SCARB1: variants seen among roughly 807,000 people sequenced by gnomAD.
SCARB1 encodes the protein scavenger receptor class B member 1, also known as CD36 and LIMPII analogous 1.
Under a neutral mutation model 57.2 loss-of-function variants are expected in SCARB1, and 30 were observed. The observed-to-expected ratio is 0.52, with a 90% CI of 0.39 to 0.71. The LOEUF (loss-of-function observed/expected upper bound fraction) is 0.71, where lower values mean the gene tolerates loss of function less well. Among genes scored for constraint, SCARB1 ranks in the 30% least tolerant of loss-of-function variants. The pLI is 0.00. For missense variants in SCARB1, 543 were observed against 671.2 expected (o/e 0.81, Z 2.11); for synonymous variants, 249 against 268.3 (o/e 0.93, Z 0.70).
Position 124,838,949 on chromosome 12 carries a change from A to G in SCARB1, c.127-21242T>C, listed in dbSNP as rs568903136. 1.4e-4 allele frequency among the ~76,000 whole-genome samples: 21 copies of G among 151,700 alleles called. No homozygotes were observed. In the South Asian group the frequency reaches 3.8e-3, roughly 27 times the overall value. ...GCCACCATGCCAGGCTAATTTTTGT[A>G]TTTTTAGTAGAGACGGGGTTTCACC... is the stretch of plus-strand genomic sequence containing the variant. On this transcript the variant is annotated intron_variant, in intron 1 of 12. Coordinates refer to ENST00000261693, the MANE Select transcript of SCARB1 (RefSeq NM_005505.5).
chr12:124,815,937 G>C (rs1040382231), intron 2 of SCARB1, among the ~76,000 whole-genome samples: 5 of 151,978 alleles, frequency 3.3e-5, no homozygotes, highest in African/African-American at 1.2e-4. Flanking sequence ...TTAAAATCAG[G>C]CTCCTAACGT....
At chr12:124,829,777 G>A (rs575956234) in intron 1 of SCARB1, among the ~76,000 whole-genome samples, 3 of 152,156 alleles carry the variant, frequency 2.0e-5, no homozygotes, top group Non-Finnish European at 4.4e-5. Context: ...CCACTGTATG[G>A]CAGGCTCTGC....
chr12:124,844,653 C>T (rs777051697), intron 1 of SCARB1, among the ~76,000 whole-genome samples: 1 of 152,002 alleles, frequency 6.6e-6, no homozygotes, highest in Non-Finnish European at 1.5e-5. Context: ...CGGGGATGTG[C>T]GCACACAGGG....
intron 11 of SCARB1, chr12:124,786,132 C>T (rs749820278): frequency 1.3e-6 from 2 of 1,539,140 alleles, no homozygotes; most frequent in Admixed American, 3.9e-5. Flanking sequence ...GGGAGGGTCC[C>T]AGGCCTTCCA....
intron 1 of SCARB1, among the ~76,000 whole-genome samples, chr12:124,843,749 G>A (rs36206381): frequency 2.0e-5 from 3 of 152,288 alleles, no homozygotes; most frequent in Middle Eastern, 3.4e-3. Context: ...AGCTGGTGGG[G>A]TCTAGCCCCA....
Position 124,781,832 on chromosome 12 carries a change from C to G in SCARB1, c.*851G>C, listed in dbSNP as rs139390136. On this transcript the variant is annotated intron_variant, in intron 12 of 12. Coordinates refer to ENST00000261693, the MANE Select transcript of SCARB1 (RefSeq NM_005505.5). ...ACCCTCAGATCCAGTCCCAGGTATA[C>G]AGTTGGTGTTCAGTTGATGCCTACA... is the stretch of plus-strand genomic sequence containing the variant. Among the ~76,000 whole-genome samples, 26 of 151,602 alleles carry G rather than the reference C, an allele frequency of 1.7e-4. No individual in the cohort carries two copies. In the East Asian group the frequency reaches 5.0e-3, roughly 29 times the overall value.
chr12:124,799,457 G>A (rs1183245329), intron 8 of SCARB1, among the ~76,000 whole-genome samples: 1 of 152,054 alleles, frequency 6.6e-6, no homozygotes, highest in Non-Finnish European at 1.5e-5. Context: ...ACCCAGGGAG[G>A]TCGAAGCTGC....
chr12:124,849,353 C>G (rs1232058610), intron 1 of SCARB1, among the ~76,000 whole-genome samples: 1 of 152,202 alleles, frequency 6.6e-6, no homozygotes, highest in African/African-American at 2.4e-5. Flanking sequence ...CCACGGCACA[C>G]CCCTGCAGCC....
In SCARB1 at chr12:124,778,487, G is replaced by A. The variant is rs756698747; in HGVS notation, c.*100C>T. 4 of 1,349,366 alleles carry A rather than the reference G, an allele frequency of 3.0e-6. No homozygotes were observed. Among genetic ancestry groups the A allele is most frequent in the Admixed American group, 4.0e-5 (1 of 24,928 alleles). The allele number at this position is 1,349,366 out of a possible 1,614,324, so 83.6% of individuals were successfully genotyped here. ...GAGGCTCAGGCTGTGGGGCTGGGGG[G>A]CTGTCCGCTGGGAGAGTCCGGGAGA... On this transcript the variant is annotated 3_prime_UTR_variant, in exon 13 of 13. Transcript: ENST00000261693.
At chr12:124,851,745 T>C (rs1952410221) in intron 1 of SCARB1, among the ~76,000 whole-genome samples, 1 of 151,730 alleles carries the variant, frequency 6.6e-6, no homozygotes, top group Admixed American at 6.6e-5. Context: ...TAGCTGGGAC[T>C]ACAGGTGTGT....
At chr12:124,826,891 A>C (rs1164673816) in intron 1 of SCARB1, among the ~76,000 whole-genome samples, 2 of 152,262 alleles carry the variant, frequency 1.3e-5, no homozygotes, top group African/African-American at 4.8e-5. Context: ...TCTGAAGACA[A>C]ACCCATGTGG....
At chr12:124,825,135 G>A (rs949126042) in intron 1 of SCARB1, among the ~76,000 whole-genome samples, 5 of 145,022 alleles carry the variant, frequency 3.4e-5, no homozygotes, top group African/African-American at 1.3e-4. Context: ...TGAGGCAGGA[G>A]AATCGCTTGA....
At position 124,812,015 on chromosome 12, in the gene SCARB1, G is replaced by C. The variant is rs1241219916; in HGVS notation, c.631-50C>G. 2 of 1,430,982 alleles carry C rather than the reference G, an allele frequency of 1.4e-6. No homozygotes were observed. The highest frequency in any genetic ancestry group is 1.9e-6 in the Non-Finnish European group (2 of 1,029,174). The allele number at this position is 1,430,982 out of a possible 1,614,324, so 88.6% of individuals were successfully genotyped here. ...TCGTAAGGCTTAGGCCTGCCATTGA[G>C]CCGGCCTGGTCTGAACATTCTGGGC... On this transcript the variant is annotated intron_variant, in intron 4 of 12. Coordinates refer to ENST00000261693, the MANE Select transcript of SCARB1 (RefSeq NM_005505.5). The surrounding 1 kb of genome is among the most constrained non-coding windows in gnomAD (Gnocchi z 4.3).
intron 12 of SCARB1, among the ~76,000 whole-genome samples, chr12:124,781,866 T>C (rs184525354): frequency 6.6e-6 from 1 of 152,342 alleles, no homozygotes; most frequent in East Asian, 1.9e-4. Flanking sequence ...CATTCTTTGT[T>C]CTTGGTCAGT....
chr12:124,825,541 T>C (rs1467775739), intron 1 of SCARB1, among the ~76,000 whole-genome samples: 2 of 150,206 alleles, frequency 1.3e-5, no homozygotes, highest in East Asian at 2.0e-4. Context: ...CACGGTGACA[T>C]GCACCTGTAG....
intron 1 of SCARB1, among the ~76,000 whole-genome samples, chr12:124,831,663 C>G (rs1416961786): frequency 6.6e-6 from 1 of 152,140 alleles, no homozygotes; most frequent in Non-Finnish European, 1.5e-5. Context: ...CTCCCTGTCC[C>G]CTCAACCCCC....
intron 1 of SCARB1, among the ~76,000 whole-genome samples, chr12:124,834,022 G>A (rs942007793): frequency 2.6e-5 from 4 of 152,226 alleles, no homozygotes; most frequent in East Asian, 1.9e-4. Context: ...CTGCCTCCTC[G>A]TGACTCCCGA....
chr12:124,798,975 C>G (rs12819677), intron 8 of SCARB1, among the ~76,000 whole-genome samples: 1 of 151,882 alleles, frequency 6.6e-6, no homozygotes, highest in East Asian at 1.9e-4. Context: ...GTTTAGGAGA[C>G]CTACTGGGAA....
At chr12:124,806,467 A>G (rs1052614864) in intron 7 of SCARB1, among the ~76,000 whole-genome samples, 2 of 152,188 alleles carry the variant, frequency 1.3e-5, no homozygotes, top group Non-Finnish European at 2.9e-5. Flanking sequence ...AGAAGATGTT[A>G]CGTAACACAC....
Sources: gnomAD v4.1 joint callset for allele counts (sites outside exome capture counted in the v4.1 genomes callset) on GRCh38, gnomAD v4.1.1 for gene constraint, Gnocchi (gnomAD v3.1) non-coding constraint, MANE v1.5 for transcripts, NCBI Gene and HGNC (gene_info 2026-07-23, HGNC 2026-07-21) for gene names.